TMEM232: variants seen among roughly 807,000 people sequenced by gnomAD.
TMEM232 encodes transmembrane protein 232.
TMEM232 carries 80 observed loss-of-function variants against 78.8 expected under a neutral mutation model. That is an observed-to-expected ratio of 1.01 (90% CI 0.85 to 1.22). The LOEUF is 1.22. TMEM232 is among the 50% of genes most tolerant of loss of function. The pLI, the probability that TMEM232 is intolerant of heterozygous loss-of-function variation, is 0.00. For synonymous variants in TMEM232, 297 were observed against 254.3 expected, an observed-to-expected ratio of 1.17 and a Z score of -1.60; for missense variants, 881 against 742.2, an observed-to-expected ratio of 1.19 and a Z score of -2.17.
At chr5:110,719,814 A>G (rs916901625) in intron 1 of TMEM232, among the ~76,000 whole-genome samples, 1 of 152,092 alleles carries the variant, frequency 6.6e-6, no homozygotes, top group African/African-American at 2.4e-5. Flanking sequence ...TCTCTCTGTT[A>G]AACTGTGTGC....
Position 110,568,538 on chromosome 5 carries a change from T to C in TMEM232, c.1364A>G (p.Asp455Gly). 1 of 1,549,672 alleles carries C rather than the reference T, an allele frequency of 6.5e-7. No individual in the cohort carries two copies. The highest frequency in any genetic ancestry group is 8.7e-7 in the Non-Finnish European group (1 of 1,145,800). The part of the protein sequence containing the change: ...SWELQGDEEQ[D>G]GLRNMIWQTL... ...TTGCCATATCATGTTTCTAAGTCCA[T>C]CCTGTTCTTCGTCTCCTTGAAGTTC... The change falls in exon 11 of 14, where the codon GAT (aspartate) becomes GGT (glycine). Residue 455 changes from aspartate (D) to glycine (G), a missense_variant. Transcript: ENST00000455884.
At chr5:110,510,330 T>C (rs1767569330) in intron 12 of TMEM232, among the ~76,000 whole-genome samples, 1 of 152,136 alleles carries the variant, frequency 6.6e-6, no homozygotes, top group African/African-American at 2.4e-5. Flanking sequence ...CCATCATTCT[T>C]TGTCTTAGTG....
chr5:110,686,310 C>T (rs1793397438), intron 1 of TMEM232, among the ~76,000 whole-genome samples: 1 of 151,962 alleles, frequency 6.6e-6, no homozygotes, highest in African/African-American at 2.4e-5. Context: ...AGAATCCAGC[C>T]ACCATGCTAT....
At chr5:110,680,396 CAAAAAAAAAAAA>C (rs1189611727) in intron 1 of TMEM232, among the ~76,000 whole-genome samples, 1 of 24,660 alleles carries the variant, frequency 4.1e-5, no homozygotes, top group Non-Finnish European at 8.3e-5. Context: ...GACTCTATCT[CAAAAAAAAAAAA>C]AAAAAAAAAA....
chr5:110,591,701 T>C (rs150355604), intron 10 of TMEM232, among the ~76,000 whole-genome samples: 2 of 152,286 alleles, frequency 1.3e-5, no homozygotes, highest in South Asian at 2.1e-4. Flanking sequence ...TTAAATGCTT[T>C]GATCTAGGAT....
intron 2 of TMEM232, chr5:110,666,987 A>G (rs1790676650): frequency 9.2e-6 from 3 of 325,794 alleles, no homozygotes; most frequent in Non-Finnish European, 1.7e-5. Flanking sequence ...CATGCAATCT[A>G]TGCATTATTA....
intron 12 of TMEM232, among the ~76,000 whole-genome samples, chr5:110,525,610 A>T (rs1201923731): frequency 6.6e-6 from 1 of 151,910 alleles, no homozygotes; most frequent in African/African-American, 2.4e-5. Context: ...ATGGAGTGTT[A>T]ATTTTTCTAA....
chr5:110,454,424 T>C (rs531586767), intron 12 of TMEM232, among the ~76,000 whole-genome samples: 18 of 151,916 alleles, frequency 1.2e-4, no homozygotes, highest in African/African-American at 4.1e-4. Flanking sequence ...TTCTGGGCAA[T>C]AGTGCACTAT....
At chr5:110,411,825 A>T (rs955130314) in intron 2 of TMEM232, among the ~76,000 whole-genome samples, 1 of 152,140 alleles carries the variant, frequency 6.6e-6, no homozygotes, top group African/African-American at 2.4e-5. Context: ...TTGTTTGTCT[A>T]TTCATCCACT....
intron 12 of TMEM232, among the ~76,000 whole-genome samples, chr5:110,481,396 T>C (rs917263023): frequency 6.6e-6 from 1 of 152,116 alleles, no homozygotes; most frequent in Non-Finnish European, 1.5e-5. Context: ...GGAAAAAACT[T>C]TGTCTTTGGG....
intron 11 of TMEM232, among the ~76,000 whole-genome samples, chr5:110,546,206 A>G (rs1469927400): frequency 6.6e-6 from 1 of 152,120 alleles, no homozygotes; most frequent in African/African-American, 2.4e-5. Context: ...GTTATCATGG[A>G]TAAAAAAACA....
rs545871530 is a variant in TMEM232 at position 110,521,857 on chromosome 5, G to A, written c.1703+6731C>T. 1.1e-4 allele frequency among the ~76,000 whole-genome samples: 16 copies of A among 152,080 alleles called. No homozygotes were observed. The East Asian group carries it at 2.1e-3, about 20-fold the overall frequency. ...GCTAATACCATACTCTTTTAATTAT[G>A]GTAGCTTTGTAATGTATTTTGAAAT... On this transcript the variant is annotated intron_variant, in intron 12 of 13. Coordinates refer to ENST00000455884, the MANE Select transcript of TMEM232 (RefSeq NM_001039763.4).
chr5:110,486,709 TG>T (rs1273746391), intron 12 of TMEM232, among the ~76,000 whole-genome samples: 1 of 152,236 alleles, frequency 6.6e-6, no homozygotes, highest in Non-Finnish European at 1.5e-5. Context: ...GCTGTTAATG[TG>T]ACTATGGCCT....
intron 1 of TMEM232, among the ~76,000 whole-genome samples, chr5:110,701,428 G>T (rs73228173): frequency 0.029 from 4,417 of 152,006 alleles, 220 homozygotes; most frequent in African/African-American, 0.1. Flanking sequence ...TCTTATTTCA[G>T]TCTTTGTAAT....
intron 2 of TMEM232, among the ~76,000 whole-genome samples, chr5:110,650,259 T>C (rs1023962192): frequency 1.3e-5 from 2 of 152,084 alleles, no homozygotes; most frequent in Admixed American, 6.6e-5. Flanking sequence ...CTCTCTCCAA[T>C]AGTATACAAA....
chr5:110,675,324 C>T (rs1436794367), intron 1 of TMEM232, among the ~76,000 whole-genome samples: 1 of 152,138 alleles, frequency 6.6e-6, no homozygotes, highest in East Asian at 1.9e-4. Context: ...GGATTACAGG[C>T]ATGAGCCACC....
chr5:110,508,951 TA>T lies in TMEM232; in HGVS notation c.1703+19636del, dbSNP rs951039247. Among the ~76,000 whole-genome samples the T allele has an allele frequency of 5.8e-3, 799 of 137,756 alleles. 5 individuals are homozygous for T. Among genetic ancestry groups the T allele is most frequent in the African/African-American group, 0.021 (747 of 35,216 alleles). 90.4% of individuals were successfully genotyped at this position (137,756 alleles called of 152,430 possible). A position where few individuals can be genotyped will look rare whatever the true frequency, so the allele number is the denominator to read the frequency against. On this transcript the variant is annotated intron_variant, in intron 12 of 13. Transcript: ENST00000455884. ...ATAATTATATATATACACACACACA[TA>T]TATGTGTATATATGTATATATATAA... is the stretch of plus-strand genomic sequence containing the variant.
intron 12 of TMEM232, among the ~76,000 whole-genome samples, chr5:110,453,162 C>CTTATT (rs906236777): frequency 2.6e-5 from 4 of 152,216 alleles, no homozygotes; most frequent in Admixed American, 2.6e-4. Flanking sequence ...GACTTTATAA[C>CTTATT]TTATTTTTGG....
intron 1 of TMEM232, among the ~76,000 whole-genome samples, chr5:110,697,151 G>A (rs940670320): frequency 1.3e-5 from 2 of 151,980 alleles, no homozygotes; most frequent in East Asian, 3.9e-4. Context: ...CCGCATATCT[G>A]CAACCATCTG....
Sources: allele counts gnomAD v4.1 joint callset (sites outside exome capture counted in the v4.1 genomes callset), GRCh38; gene constraint gnomAD v4.1.1; transcripts MANE v1.5; gene names NCBI Gene and HGNC (gene_info 2026-07-23, HGNC 2026-07-21).